Variants in F5 observed in about 807,000 individuals in gnomAD.
F5 encodes the protein activated protein c cofactor.
F5 carries 138 observed loss-of-function variants against 216.4 expected under a neutral mutation model. The observed-to-expected ratio is 0.64, with a 90% CI of 0.56 to 0.73. F5 has a LOEUF of 0.73. F5 is among the 30% of genes least tolerant of loss of function. F5 has a pLI of 0.00. For synonymous variants in F5, 916 were observed against 930.7 expected (o/e 0.98, Z 0.29); for missense variants, 2,403 against 2,674.0 (o/e 0.90, Z 2.24).
chr1:169,531,244 CT>C (rs9332617), intron 14 of F5, among the ~76,000 whole-genome samples: 2,438 of 152,270 alleles, frequency 0.016, 71 homozygotes, highest in African/African-American at 0.055. Context: ...TGTTCTTAGG[CT>C]CAAGGCTAAA....
At chr1:169,525,013 T>C (rs968924136) in intron 18 of F5, 105 bp from the exon 19 acceptor site, 3 of 897,306 alleles carry the variant, frequency 3.3e-6, no homozygotes, top group Admixed American at 4.1e-5. Context: ...TAATTAGATA[T>C]TTTTACCTAC....
chr1:169,586,117 C>T, intron 1 of F5, 112 bp downstream of exon 1: 1 of 1,218,712 alleles, frequency 8.2e-7, no homozygotes, highest in Non-Finnish European at 1.2e-6. Context: ...GTTATATTTA[C>T]TTACCTGAAG....
chr1:169,520,523 T>C lies in F5; in HGVS notation c.6190A>G (p.Asn2064Asp), dbSNP rs755636549. ...ATAATGCATCTTTGTACCTTACCAT[T>C]TACCTCACAACCTTGCAGTTCCAAT... is the stretch of plus-strand genomic sequence containing the variant. The part of the protein sequence containing the change: ...LRLELQGCEV[N>D]GCSTPLGMEN... The change falls in exon 22 of 25, where the codon AAT (asparagine) becomes GAT (aspartate). Residue 2064 changes from asparagine to aspartate, a missense_variant. Transcript: ENST00000367797. 2 of 1,613,858 alleles carry C rather than the reference T, an allele frequency of 1.2e-6. No individual in the cohort carries two copies. Among genetic ancestry groups the C allele is most frequent in the African/African-American group, 1.3e-5 (1 of 74,916 alleles).
At position 169,520,003 on chromosome 1, in the gene F5, C is replaced by T. The variant is rs113418787; in HGVS notation, c.6193+517G>A. Among the ~76,000 whole-genome samples, 7 of 152,134 alleles carry T rather than the reference C, an allele frequency of 4.6e-5. 2 individuals carry two copies. Among genetic ancestry groups the T allele is most frequent in the African/African-American group, 1.7e-4 (7 of 41,494 alleles). On this transcript the variant is annotated intron_variant, in intron 22 of 24. Coordinates refer to ENST00000367797, the MANE Select transcript of F5 (RefSeq NM_000130.5). ...CATTACAGCCCCTGAGAAATAGCAG[C>T]TAACATAGAAAAGACTTGAGTACCT...
intron 14 of F5, among the ~76,000 whole-genome samples, chr1:169,532,972 A>G (rs369673052): frequency 3.9e-5 from 6 of 152,212 alleles, no homozygotes; most frequent in African/African-American, 1.4e-4. Flanking sequence ...ACCTGACTTG[A>G]AACTATACTA....
chr1:169,571,810 TA>T (rs1412614831), intron 3 of F5, among the ~76,000 whole-genome samples: 1 of 152,192 alleles, frequency 6.6e-6, no homozygotes, highest in Non-Finnish European at 1.5e-5. Flanking sequence ...GCTTTTGTAC[TA>T]AAAGGCAGAG....
Position 169,521,614 on chromosome 1 carries a change from GATT to G in F5, c.6049-953_6049-951del, listed in dbSNP as rs1256699438. ...TAAAACAAGGCTGGTTCTGTGAAAA[GATT>G]TTTTTTTTTTTTTTTTTTTTTTGAG... On this transcript the variant is annotated intron_variant, in intron 21 of 24. Coordinates refer to ENST00000367797, the MANE Select transcript of F5 (RefSeq NM_000130.5). Among the ~76,000 whole-genome samples the G allele has an allele frequency of 3.6e-3, 347 of 95,382 alleles. 4 individuals carry two copies. In the East Asian group the frequency reaches 0.057, roughly 16 times the overall value. 62.6% of individuals were successfully genotyped at this position (95,382 alleles called of 152,430 possible).
chr1:169,566,007 T>C (rs1660590642), intron 3 of F5, among the ~76,000 whole-genome samples: 1 of 152,124 alleles, frequency 6.6e-6, no homozygotes, highest in South Asian at 2.1e-4. Context: ...GGAGAAAGTC[T>C]CCACTAATAA....
intron 3 of F5, among the ~76,000 whole-genome samples, chr1:169,561,198 G>A (rs866916675): frequency 3.9e-5 from 6 of 151,976 alleles, no homozygotes; most frequent in Non-Finnish European, 8.8e-5. Context: ...ATTTTGTTTT[G>A]CTATTTCAGA....
At chr1:169,546,334 G>T in intron 11 of F5, 108 bp downstream of exon 11, 1 of 1,312,670 alleles carries the variant, frequency 7.6e-7, no homozygotes, top group South Asian at 1.2e-5. Context: ...GAGGATTGGA[G>T]GTGCCCCTTA....
In F5 at chr1:169,515,605, G is replaced by A; in HGVS notation, c.6367C>T (p.Leu2123=). ...QAKANNNKQW[L]EIDLLKIKKI... ...TTGATCTTGAGTAGATCAATTTCTA[G>A]CCACTGCTTATTGTTGTTTGCCTAT... Residue 2123 remains leucine (L), a synonymous_variant, in exon 24 of 25, where the codon CTA becomes TTA. Coordinates refer to ENST00000367797, the MANE Select transcript of F5 (RefSeq NM_000130.5). 6.2e-7 allele frequency: 1 copy of A among 1,612,858 alleles called. No homozygotes were observed. Among genetic ancestry groups the A allele is most frequent in the Non-Finnish European group, 8.5e-7 (1 of 1,179,526 alleles).
rs1659368055 is a variant in F5 at position 169,523,843 on chromosome 1, T to C, written c.5850A>G (p.Val1950=). 1 of 1,613,974 alleles carries C rather than the reference T, an allele frequency of 6.2e-7. No individual in the cohort carries two copies. Among genetic ancestry groups the C allele is most frequent in the African/African-American group, 1.3e-5 (1 of 75,064 alleles). The stretch of plus-strand genomic sequence containing the variant: ...AGGCAAATTCTGCTGCAAGTTTTTC[T>C]ACACTCCAAGCATTATAAGATCCAC... The part of the protein sequence containing the change: ...NNGGSYNAWS[V]EKLAAEFASK... Residue 1950 remains valine, a synonymous_variant, in exon 20 of 25, where the codon GTA becomes GTG. Coordinates refer to ENST00000367797, the MANE Select transcript of F5 (RefSeq NM_000130.5).
At chr1:169,534,370 A>G (rs1046296256) in intron 14 of F5, among the ~76,000 whole-genome samples, 1 of 152,190 alleles carries the variant, frequency 6.6e-6, no homozygotes, top group African/African-American at 2.4e-5. Context: ...TAGCCAAAAA[A>G]GAAAATAAAT....
At chr1:169,528,196 T>C in intron 16 of F5, 102 bp from the exon 17 acceptor site, 1 of 1,421,822 alleles carries the variant, frequency 7.0e-7, no homozygotes, top group East Asian at 2.4e-5. Context: ...ATGTTCCTCA[T>C]GATTCTGCAT....
intron 3 of F5, among the ~76,000 whole-genome samples, chr1:169,565,492 A>G (rs933713999): frequency 3.3e-4 from 51 of 152,274 alleles, no homozygotes; most frequent in African/African-American, 1.1e-3. Flanking sequence ...CCTATGGGCT[A>G]CAGCCTAGGT....
rs183734567 is a variant in F5, at chr1:169,533,464, A to G, written c.4972-2442T>C. Reference sequence around the variant, plus strand: ...GAAGCTATCTACAGAGTGAACAGACACAGAATAGAAAAAATATTCACAAAG... The same window carrying G: ...GAAGCTATCTACAGAGTGAACAGACGCAGAATAGAAAAAATATTCACAAAG... On this transcript the variant is annotated intron_variant, in intron 14 of 24. Transcript: ENST00000367797. Among the ~76,000 whole-genome samples the G allele has an allele frequency of 4.5e-3, 678 of 152,328 alleles. 3 individuals carry two copies. The highest frequency in any genetic ancestry group is 6.8e-3 in the Middle Eastern group (2 of 294).
At chr1:169,519,387 G>A (rs1659231869) in intron 22 of F5, among the ~76,000 whole-genome samples, 1 of 152,112 alleles carries the variant, frequency 6.6e-6, no homozygotes, top group Admixed American at 6.5e-5. Flanking sequence ...ACATTTTAGG[G>A]TAGTTTATTA....
In F5 at chr1:169,540,716, T is replaced by A. The variant is rs1348228574; in HGVS notation, c.4374A>T (p.Pro1458=). The change falls in exon 13 of 25, where the codon CCA becomes CCT. Residue 1458 remains proline (P), a synonymous_variant. Coordinates refer to ENST00000367797, the MANE Select transcript of F5 (RefSeq NM_000130.5). ...AAGGGTAGAATATCTGATCAAGGTC[T>A]GGAGGAGGTGATATCTGGCTGAGAT... ...LPDLSQISPP[P]DLDQIFYPSE... 1 of 1,613,954 alleles carries A rather than the reference T, an allele frequency of 6.2e-7. No individual in the cohort carries two copies. The highest frequency in any genetic ancestry group is 8.5e-7 in the Non-Finnish European group (1 of 1,179,990).
chr1:169,556,040 A>C (rs1660316471), intron 6 of F5, among the ~76,000 whole-genome samples: 1 of 152,198 alleles, frequency 6.6e-6, no homozygotes, highest in African/African-American at 2.4e-5. Flanking sequence ...TAAAGCAAAA[A>C]TGTGTAGTAG....
Sources: allele counts gnomAD v4.1 joint callset (sites outside exome capture counted in the v4.1 genomes callset), GRCh38; gene constraint gnomAD v4.1.1; transcripts MANE v1.5; gene names NCBI Gene and HGNC (gene_info 2026-07-23, HGNC 2026-07-21).